The following PRPF39 variants were observed in gnomAD, a reference collection of about 807,000 sequenced individuals.
The protein encoded by PRPF39 is pre-mRNA-processing factor 39.
PRPF39 carries 27 observed loss-of-function variants against 82.1 expected under a neutral mutation model. The ratio of observed to expected loss-of-function variants is 0.33; its 90% confidence interval spans 0.24 to 0.45. The LOEUF is 0.45. Among genes scored for constraint, PRPF39 ranks in the 20% least tolerant of loss-of-function variants. The probability of loss-of-function intolerance (pLI) is 1.00; values close to 1 mark genes in which losing one functional copy is unlikely to be tolerated. For missense variants in PRPF39, 581 were observed against 796.9 expected, an observed-to-expected ratio of 0.73 and a Z score of 3.26; for synonymous variants, 261 against 256.4, an observed-to-expected ratio of 1.02 and a Z score of -0.17.
intron 5 of PRPF39, 125 bp from the exon 6 acceptor site, chr14:45,107,326 A>G: frequency 2.9e-6 from 2 of 689,350 alleles, no homozygotes; most frequent in East Asian, 5.7e-5. Flanking sequence ...AAGAAGGAGA[A>G]AAGGTATGAT....
At chr14:45,108,828 C>CAG (rs1307000963) in intron 7 of PRPF39, among the ~76,000 whole-genome samples, 1 of 152,150 alleles carries the variant, frequency 6.6e-6, no homozygotes, top group African/African-American at 2.4e-5. Flanking sequence ...CATTACAATT[C>CAG]ACCCATTTTA....
At chr14:45,104,324 C>G (rs1029134817) in intron 5 of PRPF39, among the ~76,000 whole-genome samples, 1 of 152,174 alleles carries the variant, frequency 6.6e-6, no homozygotes, top group Non-Finnish European at 1.5e-5. Flanking sequence ...TTTAGAACCA[C>G]TTTCCTTATC....
intron 4 of PRPF39, among the ~76,000 whole-genome samples, chr14:45,097,832 C>T (rs535967819): frequency 3.6e-4 from 55 of 152,274 alleles, no homozygotes; most frequent in Admixed American, 2.6e-3. Flanking sequence ...AAAGCATGTG[C>T]ATATTGCTTA....
intron 1 of PRPF39, among the ~76,000 whole-genome samples, chr14:45,091,070 T>G (rs1884008782): frequency 6.6e-6 from 1 of 151,898 alleles, no homozygotes; most frequent in African/African-American, 2.4e-5. Flanking sequence ...TTTTCCTTGT[T>G]TTTAATAGAA....
intron 5 of PRPF39, among the ~76,000 whole-genome samples, chr14:45,106,981 A>G (rs895452398): frequency 6.6e-6 from 1 of 152,172 alleles, no homozygotes; most frequent in East Asian, 1.9e-4. Flanking sequence ...AGGAAATGCT[A>G]TATTTGTTGG....
chr14:45,098,529 G>A (rs1389577474), intron 4 of PRPF39, among the ~76,000 whole-genome samples: 1 of 150,950 alleles, frequency 6.6e-6, no homozygotes, highest in East Asian at 1.9e-4. Flanking sequence ...AACCTTTTTG[G>A]TTTTTAATTG....
At chr14:45,098,051 T>G (rs190537002) in intron 4 of PRPF39, among the ~76,000 whole-genome samples, 1 of 152,346 alleles carries the variant, frequency 6.6e-6, no homozygotes, top group Non-Finnish European at 1.5e-5. Context: ...TTCTCATTCC[T>G]TATCTTTCCA....
intron 5 of PRPF39, among the ~76,000 whole-genome samples, chr14:45,106,093 T>C (rs1884523787): frequency 6.6e-6 from 1 of 152,030 alleles, no homozygotes. Context: ...CTCACACCTG[T>C]AATCCCAGCA....
At chr14:45,086,010 A>G (rs990792359) in intron 1 of PRPF39, among the ~76,000 whole-genome samples, 3 of 151,506 alleles carry the variant, frequency 2.0e-5, no homozygotes, top group African/African-American at 7.3e-5. Context: ...CAATGGCGCT[A>G]TTGGCTCACC....
chr14:45,113,384 G>A (rs918001748), intron 11 of PRPF39, among the ~76,000 whole-genome samples: 2 of 152,216 alleles, frequency 1.3e-5, no homozygotes, highest in African/African-American at 4.8e-5. Flanking sequence ...AGGGTGTAGG[G>A]TTCTGTTCTC....
rs1884660116 is a variant in PRPF39, at chr14:45,110,214, C to G, written c.1297C>G (p.Gln433Glu). The change falls in exon 9 of 14, where the codon CAG becomes GAG. Residue 433 changes from glutamine (Q) to glutamate (E), a missense_variant. By Grantham distance (29) the Gln-to-Glu change is conservative (BLOSUM62 2). Transcript: ENST00000355765. The surrounding 1 kb of genome is among the most constrained non-coding windows in gnomAD (Gnocchi z 4.0). ...TATGCTTTGGGCAGCTTTTGAGGAA[C>G]AGCAGGGTAAGAGTGGAGAAATTCA... The part of the protein sequence containing the change: ...VHMLWAAFEE[Q>E]QGNINEARNI... 2 of 1,613,422 alleles carry G rather than the reference C, an allele frequency of 1.2e-6. No individual in the cohort carries two copies. Among genetic ancestry groups the G allele is most frequent in the Non-Finnish European group, 1.7e-6 (2 of 1,179,682 alleles).
At chr14:45,092,802 T>C (rs1884078832) in intron 1 of PRPF39, among the ~76,000 whole-genome samples, 1 of 152,092 alleles carries the variant, frequency 6.6e-6, no homozygotes, top group African/African-American at 2.4e-5. Flanking sequence ...GAATCTATAT[T>C]AGTTTTAAAC....
At chr14:45,098,942 G>C (rs182914190) in intron 4 of PRPF39, among the ~76,000 whole-genome samples, 1 of 152,172 alleles carries the variant, frequency 6.6e-6, no homozygotes, top group Admixed American at 6.5e-5. Context: ...GGTTTGGTAA[G>C]CTGTAGAATT....
At chr14:45,102,731 GATTACTC>G in intron 5 of PRPF39, 35 bp downstream of exon 5, 12 of 1,494,272 alleles carry the variant, frequency 8.0e-6, no homozygotes, top group Non-Finnish European at 1.1e-5. Flanking sequence ...AAACATCTTT[GATTACTC>G]AGATAGTTGG....
chr14:45,085,897 A>G (rs1291387637), intron 1 of PRPF39, among the ~76,000 whole-genome samples: 3 of 152,068 alleles, frequency 2.0e-5, no homozygotes, highest in African/African-American at 7.2e-5. Context: ...AGTCAATGGT[A>G]TAATTTTTAA....
chr14:45,086,490 G>T (rs920412761), intron 1 of PRPF39, among the ~76,000 whole-genome samples: 1 of 152,098 alleles, frequency 6.6e-6, no homozygotes, highest in Non-Finnish European at 1.5e-5. Context: ...AAAAGGAATC[G>T]ACTGGTTTGG....
chr14:45,110,916 A>G lies in PRPF39; in HGVS notation c.1572+99A>G. ...GTGATGAAAGATTTGGTCTGTATGT[A>G]ATAGATTTTATTACTAAATGAGGAC... On this transcript the variant is annotated intron_variant, in intron 10 of 13. Coordinates refer to ENST00000355765, the MANE Select transcript of PRPF39 (RefSeq NM_017922.4). This position sits in a 1 kb window ranked among gnomAD's most constrained non-coding sequence, Gnocchi z 4.0. 8.5e-7 allele frequency: 1 copy of G among 1,170,214 alleles called. No individual in the cohort carries two copies. The highest frequency in any genetic ancestry group is 1.2e-6 in the Non-Finnish European group (1 of 849,174). The allele number at this position is 1,170,214 out of a possible 1,614,324, so 72.5% of individuals were successfully genotyped here.
chr14:45,109,683 T>C lies in PRPF39; in HGVS notation c.1079T>C (p.Leu360Ser). The C allele has an allele frequency of 6.2e-7, 1 of 1,608,630 alleles. No homozygotes were observed. The highest frequency in any genetic ancestry group is 8.5e-7 in the Non-Finnish European group (1 of 1,176,974). ...CAACTAAAAAACTGGAAAGAATACT[T>C]AGAATTTGAAATTGAAAATGGGACT... ...KAQLKNWKEY[L>S]EFEIENGTHE... Residue 360 changes from leucine to serine, a missense_variant, in exon 8 of 14, where the codon TTA becomes TCA. Leu to Ser is a moderately radical substitution (Grantham distance 145). Coordinates refer to ENST00000355765, the MANE Select transcript of PRPF39 (RefSeq NM_017922.4).
rs750888897 is a variant in PRPF39, at chr14:45,095,333, A to G, written c.94A>G (p.Ser32Gly). The G allele has an allele frequency of 5.0e-6, 8 of 1,613,222 alleles. No individual in the cohort carries two copies. Among genetic ancestry groups the G allele is most frequent in the South Asian group, 2.2e-5 (2 of 91,070 alleles). The change falls in exon 2 of 14, where the codon AGT becomes GGT. Residue 32 changes from serine to glycine, a missense_variant. By Grantham distance (56) the Ser-to-Gly change is moderately conservative (BLOSUM62 0). Coordinates refer to ENST00000355765, the MANE Select transcript of PRPF39 (RefSeq NM_017922.4). ...AGTGGTAGAACATCCTACTGATTTC[A>G]GTACTGAGATTATGAACGTTACAGA... ...EVVVEHPTDFSTEIMNVTEME... is the reference protein window; with the variant it reads ...EVVVEHPTDFGTEIMNVTEME...
Sources: allele counts gnomAD v4.1 joint callset (sites outside exome capture counted in the v4.1 genomes callset), GRCh38; gene constraint gnomAD v4.1.1; non-coding constraint Gnocchi (gnomAD v3.1); transcripts MANE v1.5; gene names NCBI Gene and HGNC (gene_info 2026-07-23, HGNC 2026-07-21).